Variants in PLA2G6 observed in about 807,000 individuals in gnomAD.
PLA2G6 encodes the protein 85/88 kDa calcium-independent phospholipase A2.
PLA2G6 carries 62 observed loss-of-function variants against 83.8 expected under a neutral mutation model. That is an observed-to-expected ratio of 0.74 (90% CI 0.60 to 0.91). The LOEUF (loss-of-function observed/expected upper bound fraction) is 0.91. PLA2G6 is among the 40% of genes least tolerant of loss of function. PLA2G6 has a pLI of 0.00. For synonymous variants in PLA2G6, 417 were observed against 449.8 expected (o/e 0.93, Z 0.92); for missense variants, 944 against 1,102.0 (o/e 0.86, Z 2.03).
At chr22:38,121,700 T>C (rs530632107) in intron 11 of PLA2G6, among the ~76,000 whole-genome samples, 1 of 152,158 alleles carries the variant, frequency 6.6e-6, no homozygotes, top group South Asian at 2.1e-4. Flanking sequence ...ATCCCCTCCA[T>C]GGCCCCTGGG....
chr22:38,142,602 C>T (rs1036976902), intron 4 of PLA2G6: 1 of 214,748 alleles, frequency 4.7e-6, no homozygotes, highest in Non-Finnish European at 9.5e-6. Flanking sequence ...ACGCTAACAA[C>T]AGCTGATCTA....
chr22:38,131,314 C>T (rs974720425), intron 7 of PLA2G6: 6 of 152,166 alleles, frequency 3.9e-5, no homozygotes, highest in African/African-American at 1.4e-4. Context: ...GCCACTGCAG[C>T]TGGCCAGTTA....
chr22:38,145,177 G>T, intron 3 of PLA2G6: 1 of 481,076 alleles, frequency 2.1e-6, no homozygotes, highest in Non-Finnish European at 3.8e-6. Context: ...AAGTAGCTAG[G>T]AGTATAGACA....
chr22:38,163,560 CTG>C (rs1291729999), intron 2 of PLA2G6: 1 of 169,670 alleles, frequency 5.9e-6, no homozygotes, highest in Non-Finnish European at 1.5e-5. Context: ...GCAAGAGGGG[CTG>C]TGTCTTGGCC....
Position 38,143,052 on chromosome 22 carries a change from C to A in PLA2G6, c.609+53G>T, listed in dbSNP as rs11089868. The A allele has an allele frequency of 5.1e-6, 8 of 1,553,412 alleles. No homozygotes were observed. In the Admixed American group the frequency reaches 1.3e-4, roughly 26 times the overall value. The stretch of plus-strand genomic sequence containing the variant: ...CTGAGCCTAGGGGCCCAAAGGGAAC[C>A]GTGGACACCGGGAGGTATCAGTACC... On this transcript the variant is annotated intron_variant, in intron 4 of 16. Coordinates refer to ENST00000332509, the MANE Select transcript of PLA2G6 (RefSeq NM_003560.4).
rs971693000 is a variant in PLA2G6, at chr22:38,132,069, C to T, written c.1077+762G>A. 22 of 446,692 alleles carry T rather than the reference C, an allele frequency of 4.9e-5. No homozygotes were observed. The highest frequency in any genetic ancestry group is 8.1e-5 in the Non-Finnish European group (18 of 223,240). The allele number at this position is 446,692 out of a possible 1,614,324, so 27.7% of individuals were successfully genotyped here. On this transcript the variant is annotated intron_variant, in intron 7 of 16. Transcript: ENST00000332509. This position sits in a 1 kb window ranked among gnomAD's most constrained non-coding sequence, Gnocchi z 5.0. ...GGCGGAGGTTGTGGTGAGCCGAGAT[C>T]GCGCCACTGCACTCCAGCCTGGGCG...
At chr22:38,169,616 G>A (rs948725124) in intron 1 of PLA2G6, 145 bp from the exon 2 acceptor site, 1 of 630,850 alleles carries the variant, frequency 1.6e-6, no homozygotes, top group African/African-American at 1.8e-5. Flanking sequence ...CTTAAAAGGA[G>A]GGGAAAGAAA....
Position 38,128,495 on chromosome 22 carries a change from A to G in PLA2G6, c.1187-65T>C, listed in dbSNP as rs1201547002. ...GAAATGATGTCAACATGCAAAGGAG[A>G]GGCCCCTCCTTTCCACACTCCGTCC... On this transcript the variant is annotated intron_variant, in intron 8 of 16. Transcript: ENST00000332509. The surrounding 1 kb of genome is among the most constrained non-coding windows in gnomAD (Gnocchi z 4.4). The G allele has an allele frequency of 4.6e-6, 7 of 1,535,728 alleles. No homozygotes were observed. Among genetic ancestry groups the G allele is most frequent in the East Asian group, 2.3e-5 (1 of 43,990 alleles).
At position 38,129,132 on chromosome 22, in the gene PLA2G6, T is replaced by C. The variant is rs736129; in HGVS notation, c.1186+322A>G. On this transcript the variant is annotated intron_variant, in intron 8 of 16. Transcript: ENST00000332509. ...CTAGCCAGTGGTTCCATCAGTGAAT[T>C]CCCCAACGGTGGGGAAAGAAGGCTG... 0.055 allele frequency among the ~76,000 whole-genome samples: 8,319 copies of C among 152,314 alleles called. 769 individuals carry two copies. The highest frequency in any genetic ancestry group is 0.19 in the African/African-American group (7,760 of 41,540).
At position 38,144,088 on chromosome 22, in the gene PLA2G6, A is replaced by G. The variant is rs11570642; in HGVS notation, c.426-800T>C. Reference sequence around the variant, plus strand: ...CTGGGCCTGGGAGCTTAACTGAGCTATCTAGGATAGAGACTCAGAGGAGGT... The same window carrying G: ...CTGGGCCTGGGAGCTTAACTGAGCTGTCTAGGATAGAGACTCAGAGGAGGT... On this transcript the variant is annotated intron_variant, in intron 3 of 16. Transcript: ENST00000332509. The G allele has an allele frequency of 9.4e-5, 15 of 160,114 alleles. No homozygotes were observed. The South Asian group carries it at 1.4e-3, about 15-fold the overall frequency. 9.9% of individuals were successfully genotyped at this position (160,114 alleles called of 1,614,324 possible).
At position 38,145,310 on chromosome 22, in the gene PLA2G6, T is replaced by C. The variant is rs546720235; in HGVS notation, c.425+128A>G. On this transcript the variant is annotated intron_variant, in intron 3 of 16. Coordinates refer to ENST00000332509, the MANE Select transcript of PLA2G6 (RefSeq NM_003560.4). The stretch of plus-strand genomic sequence containing the variant: ...TCCCAAAGTGCTGGGACTGCGTTAG[T>C]GAGCGACCATGCCAGGCCCTGCTCC... The C allele has an allele frequency of 4.6e-5, 37 of 810,872 alleles. No individual in the cohort carries two copies. In the South Asian group the frequency reaches 5.4e-4, roughly 12 times the overall value. The allele number at this position is 810,872 out of a possible 1,614,324, so 50.2% of individuals were successfully genotyped here.
Position 38,112,160 on chromosome 22 carries a change from C to T in PLA2G6, c.*1G>A. The T allele has an allele frequency of 6.3e-7, 1 of 1,579,052 alleles. No individual in the cohort carries two copies. Among genetic ancestry groups the T allele is most frequent in the Non-Finnish European group, 8.6e-7 (1 of 1,162,960 alleles). ...TGGGGCCGGTGAGAGGCTGGGGACC[C>T]TCAGGGTGAGAGCAGCAGCTGGATG... On this transcript the variant is annotated 3_prime_UTR_variant, in exon 17 of 17. Coordinates refer to ENST00000332509, the MANE Select transcript of PLA2G6 (RefSeq NM_003560.4).
Position 38,169,328 on chromosome 22 carries a change from G to A in PLA2G6, c.99C>T (p.Thr33=). 1 of 1,614,174 alleles carries A rather than the reference G, an allele frequency of 6.2e-7. No homozygotes were observed. Among genetic ancestry groups the A allele is most frequent in the Non-Finnish European group, 8.5e-7 (1 of 1,180,014 alleles). The part of the protein sequence containing the change: ...RVKEVAVADY[T]SSDRVREEGQ... ...CTTCCTCCCGAACTCGGTCACTCGAGGTGTAGTCGGCCACAGCCACCTCCT... is the reference window on the plus strand; with the variant it reads ...CTTCCTCCCGAACTCGGTCACTCGAAGTGTAGTCGGCCACAGCCACCTCCT... The change falls in exon 2 of 17, where the codon ACC becomes ACT. Residue 33 remains threonine, a synonymous_variant. Coordinates refer to ENST00000332509, the MANE Select transcript of PLA2G6 (RefSeq NM_003560.4).
intron 2 of PLA2G6, among the ~76,000 whole-genome samples, chr22:38,159,133 G>T (rs2089909492): frequency 6.6e-6 from 1 of 152,098 alleles, no homozygotes; most frequent in African/African-American, 2.4e-5. Flanking sequence ...TGGTTCTTTG[G>T]AAAGATTTTT....
chr22:38,140,056 C>G lies in PLA2G6; in HGVS notation c.723G>C (p.Leu241=), dbSNP rs377363906. Residue 241 remains leucine (L), a synonymous_variant, in exon 5 of 17, where the codon CTG becomes CTC. Transcript: ENST00000332509. ...GKQEMVRVLL[L]CNARCNIMGP... is the part of the protein sequence containing the mutation. ...CCATGATGTTGCACCGAGCATTGCA[C>G]AGCAGCAGCACGCGGACCATCTCCT... is the stretch of plus-strand genomic sequence containing the variant. 9 of 1,613,632 alleles carry G rather than the reference C, an allele frequency of 5.6e-6. No individual in the cohort carries two copies. In the African/African-American group the frequency reaches 9.3e-5, roughly 17 times the overall value.
At chr22:38,151,272 G>A (rs5756934) in intron 2 of PLA2G6, among the ~76,000 whole-genome samples, 54,090 of 150,934 alleles carry the variant, frequency 0.36, 9,883 homozygotes, top group South Asian at 0.48. Flanking sequence ...TGGAGACATG[G>A]TCTCACTCCT....
intron 14 of PLA2G6, among the ~76,000 whole-genome samples, chr22:38,114,048 G>C (rs1259300119): frequency 6.6e-6 from 1 of 152,224 alleles, no homozygotes; most frequent in Non-Finnish European, 1.5e-5. Flanking sequence ...TCTCCAGCCA[G>C]TCTGTGGAGA....
intron 15 of PLA2G6, 49 bp downstream of exon 15, chr22:38,113,438 G>A (rs1305617601): frequency 1.3e-6 from 2 of 1,580,250 alleles, no homozygotes; most frequent in African/African-American, 1.3e-5. Context: ...CCATCGACCT[G>A]GGCTACAGAC....
intron 2 of PLA2G6, chr22:38,168,144 C>G (rs1302616714): frequency 6.4e-6 from 1 of 156,644 alleles, no homozygotes; most frequent in Non-Finnish European, 1.5e-5. Flanking sequence ...GGACCTCCCC[C>G]ACCAGACTGT....
Sources: allele counts gnomAD v4.1 joint callset (sites outside exome capture counted in the v4.1 genomes callset), GRCh38; gene constraint gnomAD v4.1.1; non-coding constraint Gnocchi (gnomAD v3.1); transcripts MANE v1.5; gene names NCBI Gene and HGNC (gene_info 2026-07-23, HGNC 2026-07-21).